The following INPP4B variants were observed in gnomAD, a reference collection of about 807,000 sequenced individuals.
INPP4B encodes the protein inositol polyphosphate 4-phosphatase type II.
INPP4B carries 55 observed loss-of-function variants against 122.5 expected under a neutral mutation model. The observed-to-expected ratio is 0.45, with a 90% CI of 0.36 to 0.56. INPP4B has a LOEUF of 0.56. INPP4B is among the 20% of genes least tolerant of loss of function. The probability of loss-of-function intolerance (pLI) is 0.00; values close to 1 mark genes in which losing one functional copy is unlikely to be tolerated. For synonymous variants in INPP4B, 403 were observed against 388.7 expected (o/e 1.04, Z -0.43); for missense variants, 1,000 against 1,097.7 (o/e 0.91, Z 1.26).
At chr4:142,366,104 G>T (rs898602939) in intron 7 of INPP4B, among the ~76,000 whole-genome samples, 5 of 151,932 alleles carry the variant, frequency 3.3e-5, no homozygotes, top group Non-Finnish European at 7.4e-5. Flanking sequence ...CACCCTAACT[G>T]ATCAATGTAC....
chr4:142,447,677 G>C (rs2149484486), intron 3 of INPP4B, among the ~76,000 whole-genome samples: 1 of 152,322 alleles, frequency 6.6e-6, no homozygotes, highest in South Asian at 2.1e-4. Context: ...TAGTAGAAAA[G>C]TCTGGAGGAC....
intron 2 of INPP4B, among the ~76,000 whole-genome samples, chr4:142,585,016 C>T (rs2150219118): frequency 6.6e-6 from 1 of 152,250 alleles, no homozygotes; most frequent in South Asian, 2.1e-4. Context: ...AAAATTCTTT[C>T]AGTTGGCTCC....
intron 14 of INPP4B, among the ~76,000 whole-genome samples, chr4:142,199,377 C>T (rs1362120258): frequency 6.6e-6 from 1 of 151,964 alleles, no homozygotes; most frequent in Non-Finnish European, 1.5e-5. Flanking sequence ...TGTACACACA[C>T]ATCTCAGGAA....
rs548180967 is a variant in INPP4B, at chr4:142,025,016, A to G, written c.*3766T>C. The G allele has an allele frequency of 2.0e-5, 3 of 152,306 alleles. No homozygotes were observed. In the East Asian group the frequency reaches 5.8e-4, roughly 29 times the overall value. 9.4% of individuals were successfully genotyped at this position (152,306 alleles called of 1,614,324 possible). ...TATAACCAAAATTATAGCCATCTGA[A>G]GATAAGGGATTGCATTTGATACTTT... On this transcript the variant is annotated 3_prime_UTR_variant, in exon 26 of 26. Coordinates refer to ENST00000262992, the MANE Select transcript of INPP4B (RefSeq NM_001101669.3).
intron 18 of INPP4B, among the ~76,000 whole-genome samples, chr4:142,145,085 T>C (rs1016166478): frequency 3.9e-5 from 6 of 152,136 alleles, no homozygotes; most frequent in Non-Finnish European, 7.4e-5. Context: ...TTTGTGTCAA[T>C]ATTAATCAAA....
At chr4:142,338,419 T>C (rs1416176366) in intron 7 of INPP4B, among the ~76,000 whole-genome samples, 2 of 152,116 alleles carry the variant, frequency 1.3e-5, no homozygotes, top group Non-Finnish European at 1.5e-5. Flanking sequence ...TTTGTATTTT[T>C]AGTAGAGATG....
At chr4:142,259,725 A>G (rs1738762897) in intron 11 of INPP4B, among the ~76,000 whole-genome samples, 1 of 151,934 alleles carries the variant, frequency 6.6e-6, no homozygotes, top group Non-Finnish European at 1.5e-5. Flanking sequence ...AGCTATACAA[A>G]AGTATTTTTT....
chr4:142,141,756 C>T (rs758653558), intron 18 of INPP4B, among the ~76,000 whole-genome samples: 7 of 151,866 alleles, frequency 4.6e-5, no homozygotes, highest in Non-Finnish European at 1.0e-4. Flanking sequence ...GGTTAAAGAA[C>T]AACATAAGAA....
chr4:142,694,510 T>C (rs1760743699), intron 2 of INPP4B, among the ~76,000 whole-genome samples: 1 of 152,200 alleles, frequency 6.6e-6, no homozygotes, highest in Admixed American at 6.5e-5. Context: ...TCTTCCAAAT[T>C]AGACATTTGG....
At chr4:142,355,296 G>T (rs917129199) in intron 7 of INPP4B, among the ~76,000 whole-genome samples, 1 of 151,992 alleles carries the variant, frequency 6.6e-6, no homozygotes, top group East Asian at 1.9e-4. Flanking sequence ...ATCTGTGGTC[G>T]TATTTAATCT....
chr4:142,264,967 T>C (rs1742052509), intron 10 of INPP4B, among the ~76,000 whole-genome samples: 1 of 150,926 alleles, frequency 6.6e-6, no homozygotes, highest in Admixed American at 6.6e-5. Flanking sequence ...TCTCTTTCTC[T>C]CTCTCTCTCT....
At chr4:142,360,256 G>A (rs187316038) in intron 7 of INPP4B, among the ~76,000 whole-genome samples, 1 of 151,940 alleles carries the variant, frequency 6.6e-6, no homozygotes, top group African/African-American at 2.4e-5. Flanking sequence ...TATCTATAAG[G>A]GTAAATGAGT....
At position 142,168,337 on chromosome 4, in the gene INPP4B, T is replaced by C. The variant is rs1024659038; in HGVS notation, c.1359+5295A>G. 3.3e-5 allele frequency among the ~76,000 whole-genome samples: 5 copies of C among 151,618 alleles called. No homozygotes were observed. The East Asian group carries it at 9.7e-4, about 29-fold the overall frequency. ...TTTTCTTCTGGTCACGGATCATATT[T>C]TCCTGCTTCATGGCATGCTTAGTAT... On this transcript the variant is annotated intron_variant, in intron 16 of 25. Transcript: ENST00000262992.
At chr4:142,789,006 C>T (rs1776154465) in intron 1 of INPP4B, among the ~76,000 whole-genome samples, 1 of 152,040 alleles carries the variant, frequency 6.6e-6, no homozygotes. Context: ...TCAATAGATG[C>T]AGAAAAAGCA....
intron 17 of INPP4B, among the ~76,000 whole-genome samples, chr4:142,153,595 AAATCATTACATTATTTTACAT>A (rs2152877801): frequency 6.6e-6 from 1 of 152,294 alleles, no homozygotes; most frequent in Admixed American, 6.5e-5. Flanking sequence ...AACTGCAGGA[AAATCATTACATTATTTTACAT>A]AATCATTACA....
At chr4:142,408,858 T>G (rs1339875854) in intron 5 of INPP4B, among the ~76,000 whole-genome samples, 1 of 152,202 alleles carries the variant, frequency 6.6e-6, no homozygotes, top group Non-Finnish European at 1.5e-5. Flanking sequence ...TTCTTAGACC[T>G]CAGAAGAGTT....
At chr4:142,353,726 GCC>G (rs1782690741) in intron 7 of INPP4B, among the ~76,000 whole-genome samples, 1 of 151,880 alleles carries the variant, frequency 6.6e-6, no homozygotes, top group African/African-American at 2.4e-5. Flanking sequence ...TTGGTGCACT[GCC>G]CATAATATCA....
intron 12 of INPP4B, among the ~76,000 whole-genome samples, chr4:142,227,943 A>T (rs1389550313): frequency 4.6e-5 from 7 of 151,820 alleles, no homozygotes; most frequent in African/African-American, 1.7e-4. Flanking sequence ...ATACTTAAAA[A>T]TTTTAAACCA....
chr4:142,670,330 G>T (rs559864567), intron 2 of INPP4B, among the ~76,000 whole-genome samples: 1 of 151,996 alleles, frequency 6.6e-6, no homozygotes, highest in Non-Finnish European at 1.5e-5. Flanking sequence ...TCCCAAAGAG[G>T]TATCTACATT....
Sources: gnomAD v4.1 joint callset for allele counts (sites outside exome capture counted in the v4.1 genomes callset) on GRCh38, gnomAD v4.1.1 for gene constraint, MANE v1.5 for transcripts, NCBI Gene and HGNC (gene_info 2026-07-23, HGNC 2026-07-21) for gene names.